Variants in NFAT5 observed in about 807,000 individuals in gnomAD.
NFAT5 encodes the protein nuclear factor of activated T-cells 5.
NFAT5 carries 31 observed loss-of-function variants against 166.5 expected under a neutral mutation model. That is an observed-to-expected ratio of 0.19 (90% CI 0.14 to 0.25). NFAT5 has a LOEUF of 0.25. Among genes scored for constraint, NFAT5 ranks in the 10% least tolerant of loss-of-function variants. The pLI, the probability that NFAT5 is intolerant of heterozygous loss-of-function variation, is 1.00. For missense variants in NFAT5, 1,449 were observed against 1,821.8 expected (o/e 0.80, Z 3.72); for synonymous variants, 612 against 639.7 (o/e 0.96, Z 0.65).
chr16:69,673,061 T>A (rs1467545636), intron 9 of NFAT5, among the ~76,000 whole-genome samples: 2 of 152,206 alleles, frequency 1.3e-5, no homozygotes, highest in African/African-American at 2.4e-5. Flanking sequence ...GGGGTAGTTA[T>A]ATTTTTAAAA....
intron 2 of NFAT5, among the ~76,000 whole-genome samples, chr16:69,583,787 T>A (rs1284041235): frequency 6.6e-6 from 1 of 152,186 alleles, no homozygotes; most frequent in Admixed American, 6.5e-5. Context: ...AGTAAATGAA[T>A]GAATCCTACA....
chr16:69,577,310 A>G (rs1168856106), intron 2 of NFAT5, among the ~76,000 whole-genome samples: 1 of 152,200 alleles, frequency 6.6e-6, no homozygotes, highest in East Asian at 1.9e-4. Context: ...AGCTATAAGC[A>G]ACATGGGCCA....
At chr16:69,575,921 C>T (rs1269332820) in intron 2 of NFAT5, among the ~76,000 whole-genome samples, 1 of 152,158 alleles carries the variant, frequency 6.6e-6, no homozygotes, top group East Asian at 1.9e-4. Context: ...TTCCCAAGGG[C>T]ACATATCTCG....
At chr16:69,690,244 T>A (rs1381685180) in intron 11 of NFAT5, among the ~76,000 whole-genome samples, 1 of 152,030 alleles carries the variant, frequency 6.6e-6, no homozygotes, top group East Asian at 1.9e-4. Flanking sequence ...ATGGAGGTAG[T>A]AGGAGGTGGG....
chr16:69,635,200 A>G (rs530623789), intron 3 of NFAT5, among the ~76,000 whole-genome samples: 1 of 151,874 alleles, frequency 6.6e-6, no homozygotes, highest in African/African-American at 2.4e-5. Flanking sequence ...TAGTAGAGAC[A>G]GGGTTTCACC....
Position 69,566,481 on chromosome 16 carries a change from C to A in NFAT5, c.73+107C>A. 1.0e-6 allele frequency: 1 copy of A among 956,568 alleles called. No homozygotes were observed. Among genetic ancestry groups the A allele is most frequent in the Non-Finnish European group, 1.6e-6 (1 of 617,036 alleles). The allele number at this position is 956,568 out of a possible 1,614,324, so 59.3% of individuals were successfully genotyped here. On this transcript the variant is annotated intron_variant, in intron 1 of 14. Coordinates refer to ENST00000349945, the MANE Select transcript of NFAT5 (RefSeq NM_138713.4). The surrounding 1 kb of genome is among the most constrained non-coding windows in gnomAD (Gnocchi z 5.7). ...CCCGTCCCGCCGGGGGCGGCTGAGC[C>A]GCGACCCCCATGGCTTCTTTGGCCG...
chr16:69,625,102 A>G (rs924234899), intron 2 of NFAT5, among the ~76,000 whole-genome samples: 7 of 151,722 alleles, frequency 4.6e-5, no homozygotes, highest in Non-Finnish European at 1.0e-4. Context: ...GGGTTTCACT[A>G]TGTTGGCCAG....
chr16:69,568,391 T>TAC, intron 1 of NFAT5, 104 bp from the exon 2 acceptor site: 1 of 513,370 alleles, frequency 1.9e-6, no homozygotes, highest in Non-Finnish European at 3.5e-6. Context: ...TATATATATA[T>TAC]ATACACACAC....
Position 69,694,031 on chromosome 16 carries a change from G to T in NFAT5, c.4206G>T (p.Leu1402Phe), listed in dbSNP as rs199525186. The T allele has an allele frequency of 6.8e-6, 11 of 1,614,176 alleles. No homozygotes were observed. The highest frequency in any genetic ancestry group is 9.3e-6 in the Non-Finnish European group (11 of 1,180,036). The stretch of plus-strand genomic sequence containing the variant: ...TATCTCCAGCATCCATGTCTGCCTT[G>T]CAGACCAGTATAAATCAACAAGATA... ...LFLSPASMSALQTSINQQDMQ... is the reference protein window; with the variant it reads ...LFLSPASMSAFQTSINQQDMQ... Residue 1402 changes from leucine to phenylalanine, a missense_variant, in exon 13 of 15, where the codon TTG (leucine) becomes TTT (phenylalanine). Transcript: ENST00000349945.
intron 3 of NFAT5, chr16:69,632,345 A>G (rs571821328): frequency 6.6e-6 from 1 of 152,170 alleles, no homozygotes; most frequent in African/African-American, 2.4e-5. Flanking sequence ...GCCATAAAGT[A>G]TCTCTCTTTT....
intron 7 of NFAT5, among the ~76,000 whole-genome samples, chr16:69,662,450 C>CTTT (rs539200298): frequency 1.7e-3 from 165 of 97,024 alleles, no homozygotes; most frequent in Non-Finnish European, 2.0e-3. Context: ...ACACCTCTTT[C>CTTT]TTTTTTTTTT....
At chr16:69,635,023 GTTTTTTTTTTT>G (rs530661389) in intron 3 of NFAT5, among the ~76,000 whole-genome samples, 5 of 105,268 alleles carry the variant, frequency 4.7e-5, no homozygotes, top group Admixed American at 2.3e-4. Flanking sequence ...TGTTAGTAAA[GTTTTTTTTTTT>G]TTTTTTTTTT....
chr16:69,663,630 G>T (rs2151655374), intron 7 of NFAT5, among the ~76,000 whole-genome samples: 1 of 151,636 alleles, frequency 6.6e-6, no homozygotes, highest in South Asian at 2.1e-4. Flanking sequence ...AGCACTTTGG[G>T]AGGGCGAGGT....
intron 2 of NFAT5, among the ~76,000 whole-genome samples, chr16:69,576,608 G>A (rs767505787): frequency 6.6e-6 from 1 of 152,046 alleles, no homozygotes; most frequent in Non-Finnish European, 1.5e-5. Context: ...AGTGGCTCAC[G>A]CCTGTAATCC....
At chr16:69,601,662 C>T (rs1167187954) in intron 2 of NFAT5, among the ~76,000 whole-genome samples, 1 of 152,194 alleles carries the variant, frequency 6.6e-6, no homozygotes. Flanking sequence ...GTATGAGCTA[C>T]CATGCCAATC....
intron 2 of NFAT5, among the ~76,000 whole-genome samples, chr16:69,588,717 AT>A: frequency 6.6e-6 from 1 of 152,330 alleles, no homozygotes; most frequent in African/African-American, 2.4e-5. Context: ...GCAATCATTT[AT>A]TTTATGAGTA....
At chr16:69,568,573 A>G (rs1394397197) in intron 2 of NFAT5, 25 bp downstream of exon 2, 1 of 1,595,216 alleles carries the variant, frequency 6.3e-7, no homozygotes, top group Admixed American at 1.7e-5. Flanking sequence ...ATTTTAAAGC[A>G]TATTGTGTTA....
chr16:69,631,356 G>A (rs1306168279), intron 3 of NFAT5, among the ~76,000 whole-genome samples: 2 of 151,998 alleles, frequency 1.3e-5, no homozygotes, highest in East Asian at 1.9e-4. Context: ...GCTTGAACTC[G>A]GGTGGCAGAG....
intron 2 of NFAT5, among the ~76,000 whole-genome samples, chr16:69,588,980 CTTTTTTTTTTTTTTTT>C (rs945918292): frequency 4.4e-4 from 15 of 34,368 alleles, no homozygotes; most frequent in Non-Finnish European, 6.9e-4. Context: ...TTTCCTACTT[CTTTTTTTTTTTTTTTT>C]TTTTTTTTTT....
Sources: gnomAD v4.1 joint callset for allele counts (sites outside exome capture counted in the v4.1 genomes callset) on GRCh38, gnomAD v4.1.1 for gene constraint, Gnocchi (gnomAD v3.1) non-coding constraint, MANE v1.5 for transcripts, NCBI Gene and HGNC (gene_info 2026-07-23, HGNC 2026-07-21) for gene names.